The following SLC38A2 variants were observed in gnomAD, a reference collection of about 807,000 sequenced individuals.
SLC38A2 encodes the protein solute carrier family 38 member 2, also known as sodium-coupled neutral amino acid symporter 2.
Under a neutral mutation model 61.5 loss-of-function variants are expected in SLC38A2, and 11 were observed. The observed-to-expected ratio is 0.18, with a 90% CI of 0.11 to 0.30. SLC38A2 has a LOEUF of 0.30. Ranked by LOEUF, SLC38A2 falls within the 10% of genes least tolerant of loss-of-function variation. The pLI is 1.00. For missense variants in SLC38A2, 522 were observed against 600.4 expected (o/e 0.87, Z 1.36); for synonymous variants, 217 against 212.5 (o/e 1.02, Z -0.18).
chr12:46,365,301 A>C, intron 7 of SLC38A2, 112 bp from the exon 8 acceptor site: 3 of 886,510 alleles, frequency 3.4e-6, no homozygotes, highest in Non-Finnish European at 3.6e-6. Flanking sequence ...ACACACAAAA[A>C]AGACATGTTT....
rs1007245458 is a variant in SLC38A2, at chr12:46,359,669, C to T, written c.*1442G>A. On this transcript the variant is annotated 3_prime_UTR_variant, in exon 16 of 16. Coordinates refer to ENST00000256689, the MANE Select transcript of SLC38A2 (RefSeq NM_018976.5). ...ATAATATATTCACCATACACTGTGA[C>T]GTACGATAAATGTGCTCTTAAAGCC... 3 of 152,506 alleles carry T rather than the reference C, an allele frequency of 2.0e-5. No homozygotes were observed. The highest frequency in any genetic ancestry group is 2.4e-5 in the African/African-American group (1 of 41,436). 9.4% of individuals were successfully genotyped at this position (152,506 alleles called of 1,614,324 possible). A position where few individuals can be genotyped will look rare whatever the true frequency, so the allele number is the denominator to read the frequency against.
In SLC38A2 at chr12:46,361,130, G is replaced by A. The variant is rs370348763; in HGVS notation, c.1502C>T (p.Ala501Val). Residue 501 changes from alanine (A) to valine (V), a missense_variant, in exon 16 of 16, where the codon GCA (alanine) becomes GTA (valine). By Grantham distance (64) the Ala-to-Val change is moderately conservative. Coordinates refer to ENST00000256689, the MANE Select transcript of SLC38A2 (RefSeq NM_018976.5). ...TGCCAATTAATGGCCACCTCCAGGT[G>A]CATTGTGTACCCAATCCAAAACAAT... ...ALIVLDWVHN[A>V]PGGGH is the part of the protein sequence containing the mutation. The A allele has an allele frequency of 6.2e-7, 1 of 1,613,240 alleles. No homozygotes were observed. Among genetic ancestry groups the A allele is most frequent in the Non-Finnish European group, 8.5e-7 (1 of 1,179,568 alleles).
At chr12:46,372,363 A>C in intron 1 of SLC38A2, 146 bp downstream of exon 1, 3 of 228,178 alleles carry the variant, frequency 1.3e-5, no homozygotes, top group East Asian at 7.7e-5. Context: ...CCAGGGTGGA[A>C]GGCTGGCCAG....
chr12:46,370,905 T>A, intron 2 of SLC38A2, 48 bp from the exon 3 acceptor site: 1 of 1,401,392 alleles, frequency 7.1e-7, no homozygotes, highest in East Asian at 2.3e-5. Context: ...TTGAAATATC[T>A]ATCATTACAC....
chr12:46,358,528 T>A lies in SLC38A2; in HGVS notation c.*2583A>T, dbSNP rs1943046264. On this transcript the variant is annotated 3_prime_UTR_variant, in exon 16 of 16. Transcript: ENST00000256689. ...TTATTGCAAATACAATTTAAACAAG[T>A]TTTTTTTAGTGTTTGTACACAATTT... is the stretch of plus-strand genomic sequence containing the variant. 1 of 152,468 alleles carries A rather than the reference T, an allele frequency of 6.6e-6. No homozygotes were observed. Among genetic ancestry groups the A allele is most frequent in the Non-Finnish European group, 1.5e-5 (1 of 67,982 alleles). 9.4% of individuals were successfully genotyped at this position (152,468 alleles called of 1,614,324 possible).
intron 7 of SLC38A2, among the ~76,000 whole-genome samples, chr12:46,365,608 T>A (rs548379651): frequency 3.3e-5 from 5 of 152,294 alleles, no homozygotes; most frequent in Non-Finnish European, 5.9e-5. Context: ...AACTAAAAAA[T>A]TTTAAAACAA....
At chr12:46,364,763 C>T (rs548059558) in intron 8 of SLC38A2, 61 bp from the exon 9 acceptor site, 2 of 1,495,500 alleles carry the variant, frequency 1.3e-6, no homozygotes, top group African/African-American at 2.8e-5. Context: ...AGGCAAATAT[C>T]TTTTTCCCAC....
At chr12:46,367,837 A>G (rs1417544031) in intron 4 of SLC38A2, among the ~76,000 whole-genome samples, 1 of 152,202 alleles carries the variant, frequency 6.6e-6, no homozygotes, top group Non-Finnish European at 1.5e-5. Flanking sequence ...GTATACACAA[A>G]AACAGGAATG....
chr12:46,364,666 C>T lies in SLC38A2; in HGVS notation c.683G>A (p.Cys228Tyr). The T allele has an allele frequency of 6.2e-7, 1 of 1,610,342 alleles. No individual in the cohort carries two copies. Among genetic ancestry groups the T allele is most frequent in the East Asian group, 2.2e-5 (1 of 44,834 alleles). The change falls in exon 9 of 16, where the codon TGT becomes TAT. Residue 228 changes from cysteine (C) to tyrosine (Y), a missense_variant. By Grantham distance (194) the Cys-to-Tyr change is radical. Coordinates refer to ENST00000256689, the MANE Select transcript of SLC38A2 (RefSeq NM_018976.5). Reference protein sequence around the residue: ...LGYTSGLSLLCMVFFLIVVIC... With the variant: ...LGYTSGLSLLYMVFFLIVVIC... ...CACCACAATCAGAAAGAACACCATA[C>T]ACAACAAGGAAAGGCCACTGGTATA...
In SLC38A2 at chr12:46,367,260, A is replaced by G. The variant is rs766100223; in HGVS notation, c.388+7T>C. ...TTGTTTTAGAAAAATCAAGAATGCT[A>G]TCATACCTCCTTCATTGGCAGTCTT... On this transcript the variant is annotated splice_region_variant and intron_variant, in intron 5 of 15. Coordinates refer to ENST00000256689, the MANE Select transcript of SLC38A2 (RefSeq NM_018976.5). 1.3e-6 allele frequency: 2 copies of G among 1,592,444 alleles called. No homozygotes were observed. Among genetic ancestry groups the G allele is most frequent in the Admixed American group, 3.3e-5 (2 of 59,930 alleles).
Position 46,365,334 on chromosome 12 carries a change from G to A in SLC38A2, c.564-145C>T, listed in dbSNP as rs920696132. 14 of 697,314 alleles carry A rather than the reference G, an allele frequency of 2.0e-5. No individual in the cohort carries two copies. In the African/African-American group the frequency reaches 2.4e-4, roughly 12 times the overall value. 43.2% of individuals were successfully genotyped at this position (697,314 alleles called of 1,614,324 possible). On this transcript the variant is annotated intron_variant, in intron 7 of 15. Coordinates refer to ENST00000256689, the MANE Select transcript of SLC38A2 (RefSeq NM_018976.5). ...TTTGGAAAAAGTTTCCCCTGTTCAAGATAGGAATAACTTTTTAATTTTGTG... is the reference window on the plus strand; with the variant it reads ...TTTGGAAAAAGTTTCCCCTGTTCAAAATAGGAATAACTTTTTAATTTTGTG...
intron 4 of SLC38A2, among the ~76,000 whole-genome samples, chr12:46,367,614 C>A (rs1017785188): frequency 2.6e-5 from 4 of 152,204 alleles, no homozygotes; most frequent in Admixed American, 2.6e-4. Context: ...GCATGAGACA[C>A]TGGAAAGCTC....
chr12:46,359,687 T>C lies in SLC38A2; in HGVS notation c.*1424A>G, dbSNP rs1943060721. 6.6e-6 allele frequency: 1 copy of C among 152,576 alleles called. No individual in the cohort carries two copies. The highest frequency in any genetic ancestry group is 1.5e-5 in the Non-Finnish European group (1 of 68,034). 9.5% of individuals were successfully genotyped at this position (152,576 alleles called of 1,614,324 possible). On this transcript the variant is annotated 3_prime_UTR_variant, in exon 16 of 16. Coordinates refer to ENST00000256689, the MANE Select transcript of SLC38A2 (RefSeq NM_018976.5). The stretch of plus-strand genomic sequence containing the variant: ...ACTGTGACGTACGATAAATGTGCTC[T>C]TAAAGCCAAGTTTCAAAGTAATTAT...
intron 8 of SLC38A2, 142 bp downstream of exon 8, chr12:46,364,965 T>G (rs921897935): frequency 1.2e-6 from 1 of 823,810 alleles, no homozygotes; most frequent in African/African-American, 1.8e-5. Context: ...TTTTGGCTCC[T>G]AAATTTTGCA....
chr12:46,366,151 T>A (rs1943136648), intron 7 of SLC38A2, among the ~76,000 whole-genome samples: 1 of 152,166 alleles, frequency 6.6e-6, no homozygotes, highest in African/African-American at 2.4e-5. Context: ...AGAAAATGGT[T>A]TCTATAGCAT....
In SLC38A2 at chr12:46,361,169, C is replaced by T. The variant is rs758649525; in HGVS notation, c.1463G>A (p.Gly488Glu). ...ATCCAAAACAATCAAGGCCATGCTT[C>T]CGGTCATCACCAGTACACCACTTAA... ...FLLSGVLVMT[G>E]SMALIVLDWV... The change falls in exon 16 of 16, where the codon GGA becomes GAA. Residue 488 changes from glycine to glutamate, a missense_variant. Coordinates refer to ENST00000256689, the MANE Select transcript of SLC38A2 (RefSeq NM_018976.5). 1 of 1,613,640 alleles carries T rather than the reference C, an allele frequency of 6.2e-7. No homozygotes were observed. Among genetic ancestry groups the T allele is most frequent in the Non-Finnish European group, 8.5e-7 (1 of 1,179,682 alleles).
In SLC38A2 at chr12:46,370,814, C is replaced by G. The variant is rs1167493484; in HGVS notation, c.160G>C (p.Glu54Gln). 1 of 1,612,518 alleles carries G rather than the reference C, an allele frequency of 6.2e-7. No individual in the cohort carries two copies. The highest frequency in any genetic ancestry group is 8.5e-7 in the Non-Finnish European group (1 of 1,179,482). The change falls in exon 3 of 16, where the codon GAA (glutamate) becomes CAA (glutamine). Residue 54 changes from glutamate to glutamine, a missense_variant. Physicochemically the swap from Glu to Gln is conservative, Grantham distance 29. This residue lies in a region of SLC38A2 where 102 missense variants were observed against 83.1 expected (regional missense o/e 1.23). Coordinates refer to ENST00000256689, the MANE Select transcript of SLC38A2 (RefSeq NM_018976.5). Reference sequence around the variant, plus strand: ...TACTTCTTCTTCCCCAAATTCGATTCAAGTAAAAAGTTCTGGTTTTCAGGA... The same window carrying G: ...TACTTCTTCTTCCCCAAATTCGATTGAAGTAAAAAGTTCTGGTTTTCAGGA... Reference protein sequence around the residue: ...VDPENQNFLLESNLGKKKYET... With the variant: ...VDPENQNFLLQSNLGKKKYET...
chr12:46,369,819 G>A (rs1430282207), intron 4 of SLC38A2, among the ~76,000 whole-genome samples: 3 of 152,108 alleles, frequency 2.0e-5, no homozygotes, highest in Non-Finnish European at 2.9e-5. Flanking sequence ...GTCTATCCAC[G>A]TATTTATGCT....
chr12:46,370,401 A>T (rs1943182473), intron 4 of SLC38A2, 111 bp downstream of exon 4: 4 of 770,868 alleles, frequency 5.2e-6, no homozygotes, highest in Non-Finnish European at 8.9e-6. Context: ...AATTTTAAGC[A>T]AGTAACTTTT....
Sources: allele counts gnomAD v4.1 joint callset (sites outside exome capture counted in the v4.1 genomes callset), GRCh38; gene constraint gnomAD v4.1.1; regional missense constraint gnomAD v4.1.1; transcripts MANE v1.5; gene names NCBI Gene and HGNC (gene_info 2026-07-23, HGNC 2026-07-21).